Variants in CREG2 observed in about 807,000 individuals in gnomAD.
The protein encoded by CREG2 is cellular repressor of E1A stimulated genes 2, also known as protein CREG2.
A neutral mutation model predicts 26.2 loss-of-function variants in CREG2; 24 were observed. That is an observed-to-expected ratio of 0.92 (90% confidence interval 0.66 to 1.29). CREG2 has a LOEUF of 1.29. CREG2 is among the 50% of genes most tolerant of loss of function. The pLI, the probability that CREG2 is intolerant of heterozygous loss-of-function variation, is 0.00. For missense variants in CREG2, 366 were observed against 398.6 expected, an observed-to-expected ratio of 0.92 and a Z score of 0.70; for synonymous variants, 174 against 169.2, an observed-to-expected ratio of 1.03 and a Z score of -0.22.
At chr2:101,357,211 TG>T (rs1230094444) in intron 2 of CREG2, among the ~76,000 whole-genome samples, 1 of 151,962 alleles carries the variant, frequency 6.6e-6, no homozygotes, top group African/African-American at 2.4e-5. Flanking sequence ...TTAATAGAGA[TG>T]GGGTTTCACC....
rs1684369992 is a variant in CREG2, at chr2:101,350,814, G to A, written c.*109C>T. On this transcript the variant is annotated 3_prime_UTR_variant, in exon 4 of 4. Coordinates refer to ENST00000324768, the MANE Select transcript of CREG2 (RefSeq NM_153836.4). ...TCTCATTCTGCTGCAGGGATGGCAG[G>A]GCTGCTATGAACCCTTCAACAAAGA... 2 of 1,080,996 alleles carry A rather than the reference G, an allele frequency of 1.9e-6. No homozygotes were observed. Among genetic ancestry groups the A allele is most frequent in the Admixed American group, 2.1e-5 (1 of 48,300 alleles). The allele number at this position is 1,080,996 out of a possible 1,614,324, so 67.0% of individuals were successfully genotyped here.
At chr2:101,368,895 A>G (rs1039050721) in intron 2 of CREG2, among the ~76,000 whole-genome samples, 2 of 152,144 alleles carry the variant, frequency 1.3e-5, no homozygotes, top group Non-Finnish European at 2.9e-5. Context: ...ACTGTGGGAA[A>G]TAAGTTTCTG....
intron 2 of CREG2, among the ~76,000 whole-genome samples, chr2:101,360,096 A>G (rs555379809): frequency 1.8e-4 from 28 of 152,328 alleles, no homozygotes; most frequent in Admixed American, 7.8e-4. Flanking sequence ...AGACATCTGC[A>G]TAATAAATTC....
At chr2:101,368,960 G>A (rs1441195766) in intron 2 of CREG2, among the ~76,000 whole-genome samples, 4 of 152,024 alleles carry the variant, frequency 2.6e-5, no homozygotes, top group Non-Finnish European at 5.9e-5. Context: ...TGCACAGACT[G>A]AGAGCCAAAA....
chr2:101,351,253 A>G (rs975725157), intron 3 of CREG2, among the ~76,000 whole-genome samples, 183 bp from the exon 4 acceptor site: 2 of 152,172 alleles, frequency 1.3e-5, no homozygotes, highest in African/African-American at 4.8e-5. Flanking sequence ...CAGGGACTGT[A>G]GACCTTACCC....
chr2:101,384,600 A>C (rs1684935163), intron 1 of CREG2, among the ~76,000 whole-genome samples: 1 of 152,158 alleles, frequency 6.6e-6, no homozygotes, highest in Non-Finnish European at 1.5e-5. Context: ...CCTGGTGCCA[A>C]CTGGGCATGG....
chr2:101,363,312 C>CA (rs1400462254), intron 2 of CREG2, among the ~76,000 whole-genome samples: 1 of 152,164 alleles, frequency 6.6e-6, no homozygotes, highest in East Asian at 1.9e-4. Flanking sequence ...CACAATAAGG[C>CA]AGTGCTCTTG....
intron 1 of CREG2, 88 bp from the exon 2 acceptor site, chr2:101,383,790 A>G: frequency 8.0e-7 from 1 of 1,253,930 alleles, no homozygotes; most frequent in Non-Finnish European, 1.1e-6. Flanking sequence ...GCTAGGAAAT[A>G]CAACACCAGG....
intron 2 of CREG2, among the ~76,000 whole-genome samples, chr2:101,364,809 G>A (rs1000736302): frequency 6.6e-6 from 1 of 152,110 alleles, no homozygotes; most frequent in African/African-American, 2.4e-5. Flanking sequence ...GAGGCAAGAG[G>A]GTCAGAGGAG....
At position 101,346,682 on chromosome 2, in the gene CREG2, A is replaced by G. The variant is rs1401591660; in HGVS notation, c.*4241T>C. On this transcript the variant is annotated 3_prime_UTR_variant, in exon 4 of 4. Coordinates refer to ENST00000324768, the MANE Select transcript of CREG2 (RefSeq NM_153836.4). ...CCTCATTTTATTAGGGACTAATAAGAGAGAGAGTATAAATGCTTTATTAAG... is the reference window on the plus strand; with the variant it reads ...CCTCATTTTATTAGGGACTAATAAGGGAGAGAGTATAAATGCTTTATTAAG... The G allele has an allele frequency of 1.3e-5, 2 of 152,206 alleles. No homozygotes were observed. Among genetic ancestry groups the G allele is most frequent in the Non-Finnish European group, 2.9e-5 (2 of 68,034 alleles). 9.4% of individuals were successfully genotyped at this position (152,206 alleles called of 1,614,324 possible).
At chr2:101,354,965 G>A (rs981923517) in intron 3 of CREG2, among the ~76,000 whole-genome samples, 11 of 151,980 alleles carry the variant, frequency 7.2e-5, no homozygotes, top group Non-Finnish European at 1.5e-4. Flanking sequence ...TTGTGTTGAC[G>A]AGGAAGGCTC....
At chr2:101,367,218 G>C (rs576058329) in intron 2 of CREG2, among the ~76,000 whole-genome samples, 1 of 152,170 alleles carries the variant, frequency 6.6e-6, no homozygotes, top group Non-Finnish European at 1.5e-5. Flanking sequence ...GAAAAGGGGG[G>C]ATGTGGACCC....
intron 2 of CREG2, among the ~76,000 whole-genome samples, chr2:101,369,014 C>T (rs753132336): frequency 1.3e-5 from 2 of 152,152 alleles, no homozygotes; most frequent in Non-Finnish European, 2.9e-5. Context: ...GAGTGATGTC[C>T]GAGGCTGGAA....
intron 2 of CREG2, among the ~76,000 whole-genome samples, chr2:101,368,679 G>C (rs1003984156): frequency 6.6e-6 from 1 of 152,236 alleles, no homozygotes; most frequent in African/African-American, 2.4e-5. Flanking sequence ...AATCAGATAA[G>C]GTGGTGGGCA....
intron 2 of CREG2, among the ~76,000 whole-genome samples, chr2:101,358,528 C>A (rs1013678492): frequency 2.6e-5 from 4 of 152,078 alleles, no homozygotes; most frequent in African/African-American, 9.7e-5. Flanking sequence ...TTGGAAGTAA[C>A]CAAAAAGCTT....
chr2:101,376,172 CT>C (rs1473752176), intron 2 of CREG2: 19 of 152,638 alleles, frequency 1.2e-4, no homozygotes, highest in Admixed American at 4.6e-4. Context: ...TTCGCCTCTG[CT>C]TTCTTGTGCC....
chr2:101,367,976 T>C (rs1684644105), intron 2 of CREG2, among the ~76,000 whole-genome samples: 1 of 152,234 alleles, frequency 6.6e-6, no homozygotes, highest in African/African-American at 2.4e-5. Context: ...TTCAGACTTC[T>C]GCCCTCTAGA....
intron 1 of CREG2, 108 bp from the exon 2 acceptor site, chr2:101,383,810 G>A (rs1684921421): frequency 1.9e-6 from 2 of 1,041,478 alleles, no homozygotes; most frequent in African/African-American, 1.6e-5. Flanking sequence ...GGATGAGGGG[G>A]GATCATGGCA....
chr2:101,387,020 C>T lies in CREG2; in HGVS notation c.438G>A (p.Lys146=). ...WGCLATVSTH[K]KIQGLPFGNC... ...GCGCTCCCCGCCGGGCGCTCACCTT[C>T]TTGTGGGTGGACACGGTGGCCAGGC... is the stretch of plus-strand genomic sequence containing the variant. The change falls in exon 1 of 4, where the codon AAG becomes AAA. Residue 146 remains lysine, a synonymous_variant. Transcript: ENST00000324768. The surrounding 1 kb of genome is among the most constrained non-coding windows in gnomAD (Gnocchi z 4.7). 8.1e-7 allele frequency: 1 copy of T among 1,232,272 alleles called. No individual in the cohort carries two copies. The highest frequency in any genetic ancestry group is 1.0e-6 in the Non-Finnish European group (1 of 988,702). The allele number at this position is 1,232,272 out of a possible 1,614,324, so 76.3% of individuals were successfully genotyped here.
Sources: allele counts gnomAD v4.1 joint callset (sites outside exome capture counted in the v4.1 genomes callset), GRCh38; gene constraint gnomAD v4.1.1; non-coding constraint Gnocchi (gnomAD v3.1); transcripts MANE v1.5; gene names NCBI Gene and HGNC (gene_info 2026-07-23, HGNC 2026-07-21).